Variants in KSR2 observed in about 807,000 individuals in gnomAD.
KSR2 encodes the protein kinase suppressor of ras 2.
Under a neutral mutation model 107.8 loss-of-function variants are expected in KSR2, and 25 were observed. The observed-to-expected ratio is 0.23, with a 90% CI of 0.17 to 0.32. KSR2 has a LOEUF of 0.32. Ranked by LOEUF, KSR2 falls within the 10% of genes least tolerant of loss-of-function variation. KSR2 has a pLI of 1.00. For synonymous variants in KSR2, 480 were observed against 507.0 expected (o/e 0.95, Z 0.71); for missense variants, 887 against 1,268.9 (o/e 0.70, Z 4.57).
rs917639223 is a variant in KSR2 at position 117,621,573 on chromosome 12, G to C, written c.1172-39214C>G. Among the ~76,000 whole-genome samples, 3 of 152,172 alleles carry C rather than the reference G, an allele frequency of 2.0e-5. No individual in the cohort carries two copies. The East Asian group carries it at 5.8e-4, about 29-fold the overall frequency. On this transcript the variant is annotated intron_variant, in intron 5 of 19. Coordinates refer to ENST00000339824, the MANE Select transcript of KSR2 (RefSeq NM_173598.6). ...ATGATATAGGCATGAAAAGGGGCTGGTACAGAGCAAGAATTTAGTGATTGC... is the reference window on the plus strand; with the variant it reads ...ATGATATAGGCATGAAAAGGGGCTGCTACAGAGCAAGAATTTAGTGATTGC...
intron 16 of KSR2, among the ~76,000 whole-genome samples, chr12:117,478,153 C>T (rs1053945529): frequency 1.3e-5 from 2 of 152,164 alleles, no homozygotes; most frequent in African/African-American, 2.4e-5. Flanking sequence ...GCATGAAGGT[C>T]TCTGTGGGGA....
intron 17 of KSR2, among the ~76,000 whole-genome samples, chr12:117,473,567 G>A (rs1456039391): frequency 6.6e-6 from 1 of 152,160 alleles, no homozygotes; most frequent in Non-Finnish European, 1.5e-5. Flanking sequence ...CGAGCTTGTG[G>A]CTGGCGATTG....
At chr12:117,826,708 A>G (rs1593274992) in intron 3 of KSR2, among the ~76,000 whole-genome samples, 2 of 17,180 alleles carry the variant, frequency 1.2e-4, no homozygotes, top group African/African-American at 5.6e-4. Context: ...ACACACATGC[A>G]CACACACACA....
intron 1 of KSR2, among the ~76,000 whole-genome samples, chr12:117,884,355 C>T (rs1374335738): frequency 6.6e-6 from 1 of 152,174 alleles, no homozygotes; most frequent in Non-Finnish European, 1.5e-5. Flanking sequence ...GCTCTCAGCA[C>T]AATGTTCTCT....
At chr12:117,583,583 C>G (rs1377906061) in intron 5 of KSR2, among the ~76,000 whole-genome samples, 1 of 152,118 alleles carries the variant, frequency 6.6e-6, no homozygotes, top group Non-Finnish European at 1.5e-5. Context: ...CCCATCTGGT[C>G]TCTTCTTTCA....
At chr12:117,675,554 T>G (rs2136514307) in intron 4 of KSR2, among the ~76,000 whole-genome samples, 1 of 152,310 alleles carries the variant, frequency 6.6e-6, no homozygotes, top group Admixed American at 6.5e-5. Context: ...CGATACCCTT[T>G]TGCCAGCCCA....
At chr12:117,650,971 A>G (rs1384693094) in intron 5 of KSR2, among the ~76,000 whole-genome samples, 1 of 152,200 alleles carries the variant, frequency 6.6e-6, no homozygotes, top group Non-Finnish European at 1.5e-5. Context: ...TGAAAGGTGC[A>G]TGCACAGCCT....
intron 1 of KSR2, among the ~76,000 whole-genome samples, chr12:117,878,710 C>A (rs1014202209): frequency 2.0e-5 from 3 of 152,110 alleles, no homozygotes; most frequent in African/African-American, 7.2e-5. Flanking sequence ...ATCCCAGACT[C>A]GAGGTAAGAG....
intron 5 of KSR2, among the ~76,000 whole-genome samples, chr12:117,630,186 T>G (rs1882738158): frequency 6.6e-6 from 1 of 152,214 alleles, no homozygotes; most frequent in East Asian, 1.9e-4. Flanking sequence ...AGCCCAGTGA[T>G]TCTCATTTGC....
intron 14 of KSR2, among the ~76,000 whole-genome samples, chr12:117,506,724 T>C (rs1174672186): frequency 6.6e-6 from 1 of 152,196 alleles, no homozygotes; most frequent in Non-Finnish European, 1.5e-5. Context: ...GAAATTTGGT[T>C]TGGCATGGCT....
chr12:117,890,977 C>T (rs1894324080), intron 1 of KSR2: 1 of 152,114 alleles, frequency 6.6e-6, no homozygotes, highest in Admixed American at 6.5e-5. Flanking sequence ...TGTCATCCCT[C>T]CCTTCAGAAA....
chr12:117,558,627 G>T, intron 7 of KSR2, 54 bp from the exon 8 acceptor site: 1 of 1,394,316 alleles, frequency 7.2e-7, no homozygotes, highest in Non-Finnish European at 1.0e-6. Context: ...GAGTGAGCGG[G>T]TAGGTGGGTG....
intron 16 of KSR2, 86 bp from the exon 17 acceptor site, chr12:117,476,681 C>T (rs1480961706): frequency 5.0e-6 from 7 of 1,392,136 alleles, no homozygotes; most frequent in Non-Finnish European, 6.7e-6. Context: ...TCCCTGGAGC[C>T]ATCTCTGCTG....
intron 4 of KSR2, among the ~76,000 whole-genome samples, chr12:117,684,500 A>C (rs766323063): frequency 2.0e-5 from 3 of 152,018 alleles, no homozygotes; most frequent in Non-Finnish European, 4.4e-5. Flanking sequence ...AGTGGATCCA[A>C]TTTTCCTCGA....
chr12:117,852,321 G>A (rs142463677), intron 3 of KSR2, among the ~76,000 whole-genome samples: 5 of 151,566 alleles, frequency 3.3e-5, no homozygotes, highest in Admixed American at 6.6e-5. Flanking sequence ...CCAGTTACTC[G>A]GGAGGCTAAG....
chr12:117,788,671 T>C (rs1223125791), intron 3 of KSR2, among the ~76,000 whole-genome samples: 2 of 152,134 alleles, frequency 1.3e-5, no homozygotes, highest in Non-Finnish European at 2.9e-5. Context: ...CTGGCTTTTT[T>C]GTTTGTTTGT....
Position 117,476,613 on chromosome 12 carries a change from A to C in KSR2, c.2451-18T>G. On this transcript the variant is annotated intron_variant, in intron 16 of 19. Transcript: ENST00000339824. ...CCTCCCGCCTGGAGAAGCAAAGCACAGGATGAGCTCTGTTTCATAGCCCAG... is the reference window on the plus strand; with the variant it reads ...CCTCCCGCCTGGAGAAGCAAAGCACCGGATGAGCTCTGTTTCATAGCCCAG... 1 of 1,604,884 alleles carries C rather than the reference A, an allele frequency of 6.2e-7. No homozygotes were observed. The highest frequency in any genetic ancestry group is 8.5e-7 in the Non-Finnish European group (1 of 1,175,600).
At chr12:117,476,918 A>G (rs1274461133) in intron 16 of KSR2, among the ~76,000 whole-genome samples, 1 of 152,264 alleles carries the variant, frequency 6.6e-6, no homozygotes, top group Non-Finnish European at 1.5e-5. Flanking sequence ...ACACGGAATT[A>G]GCAGAATACT....
intron 3 of KSR2, among the ~76,000 whole-genome samples, chr12:117,765,018 T>C (rs920440116): frequency 6.6e-6 from 1 of 152,230 alleles, no homozygotes; most frequent in African/African-American, 2.4e-5. Context: ...CATCAATATC[T>C]GCTATTTAAA....
Sources: allele counts gnomAD v4.1 joint callset (sites outside exome capture counted in the v4.1 genomes callset), GRCh38; gene constraint gnomAD v4.1.1; transcripts MANE v1.5; gene names NCBI Gene and HGNC (gene_info 2026-07-23, HGNC 2026-07-21).